Variants in TRABD observed in about 807,000 individuals in gnomAD.
The protein encoded by TRABD is traB domain-containing protein.
A neutral mutation model predicts 39.6 loss-of-function variants in TRABD; 23 were observed. That is an observed-to-expected ratio of 0.58 (90% CI 0.42 to 0.82). The LOEUF is 0.82. Ranked by LOEUF, TRABD falls within the 40% of genes least tolerant of loss-of-function variation. The pLI, the probability that TRABD is intolerant of heterozygous loss-of-function variation, is 0.00. For missense variants in TRABD, 487 were observed against 544.9 expected (o/e 0.89, Z 1.06); for synonymous variants, 243 against 232.1 (o/e 1.05, Z -0.43).
At chr22:50,188,389 C>A (rs112907587) in intron 1 of TRABD, among the ~76,000 whole-genome samples, 1,640 of 152,280 alleles carry the variant, frequency 0.011, 32 homozygotes, top group African/African-American at 0.037. Context: ...GGGCTGTGAG[C>A]GAGTAGGCTC....
intron 2 of TRABD, 62 bp from the exon 3 acceptor site, chr22:50,193,514 C>A: frequency 6.5e-7 from 1 of 1,529,584 alleles, no homozygotes; most frequent in Non-Finnish European, 9.0e-7. Context: ...GTGGAGTTGC[C>A]ACGGAGCCCT....
chr22:50,192,993 A>G, intron 1 of TRABD, 34 bp from the exon 2 acceptor site: 2 of 1,530,206 alleles, frequency 1.3e-6, no homozygotes, highest in South Asian at 2.4e-5. Context: ...CTGGGGCTCC[A>G]GGTGGAAACC....
intron 2 of TRABD, among the ~76,000 whole-genome samples, chr22:50,193,354 G>A (rs1170745957): frequency 6.6e-6 from 1 of 152,150 alleles, no homozygotes; most frequent in Non-Finnish European, 1.5e-5. Flanking sequence ...TAGGCTCTAC[G>A]GAGGCCCTGC....
chr22:50,197,762 C>G (rs2064169144), intron 7 of TRABD, 61 bp from the exon 8 acceptor site: 1 of 1,488,420 alleles, frequency 6.7e-7, no homozygotes, highest in African/African-American at 1.4e-5. Flanking sequence ...TCCACAGTGC[C>G]AGCCCCACCC....
intron 5 of TRABD, among the ~76,000 whole-genome samples, chr22:50,196,617 T>C (rs920505161): frequency 2.6e-5 from 4 of 152,260 alleles, no homozygotes; most frequent in African/African-American, 7.2e-5. Flanking sequence ...AGGCCCTTTC[T>C]CCAGCCTGCC....
At chr22:50,192,942 C>A in intron 1 of TRABD, 85 bp from the exon 2 acceptor site, 1 of 1,287,382 alleles carries the variant, frequency 7.8e-7, no homozygotes, top group Non-Finnish European at 1.1e-6. Context: ...ACAGATGGTT[C>A]TAGACTGACA....
At chr22:50,187,130 G>A (rs2063779367) in intron 1 of TRABD, among the ~76,000 whole-genome samples, 1 of 152,216 alleles carries the variant, frequency 6.6e-6, no homozygotes, top group African/African-American at 2.4e-5. Flanking sequence ...CCCTGATGCT[G>A]TGGGGTCCGA....
At chr22:50,189,129 G>T (rs1290209609) in intron 1 of TRABD, among the ~76,000 whole-genome samples, 1 of 152,236 alleles carries the variant, frequency 6.6e-6, no homozygotes, top group Non-Finnish European at 1.5e-5. Flanking sequence ...CCCGTTCTCT[G>T]CCTTCGGGAC....
chr22:50,198,540 C>T lies in TRABD; in HGVS notation c.*21C>T, dbSNP rs577839774. 36 of 1,505,118 alleles carry T rather than the reference C, an allele frequency of 2.4e-5. No individual in the cohort carries two copies. Among genetic ancestry groups the T allele is most frequent in the South Asian group, 1.9e-4 (15 of 78,296 alleles). 93.2% of individuals were successfully genotyped at this position (1,505,118 alleles called of 1,614,324 possible). ...AGTAGGAGACTGCTCCCCGCCCGCT[C>T]GGGCCCCTGAGGAGCCAGTGCCCCC... is the stretch of plus-strand genomic sequence containing the variant. On this transcript the variant is annotated 3_prime_UTR_variant, in exon 10 of 10. Transcript: ENST00000380909. This position sits in a 1 kb window ranked among gnomAD's most constrained non-coding sequence, Gnocchi z 7.9.
Position 50,194,924 on chromosome 22 carries a change from G to T in TRABD, c.304G>T (p.Val102Leu). 6.2e-7 allele frequency: 1 copy of T among 1,612,926 alleles called. No individual in the cohort carries two copies. Among genetic ancestry groups the T allele is most frequent in the Non-Finnish European group, 8.5e-7 (1 of 1,179,926 alleles). ...VKTIREVQPDVVVVELCQYRV... is the reference protein window; with the variant it reads ...VKTIREVQPDLVVVELCQYRV... ...GACCATCCGGGAGGTGCAGCCTGAC[G>T]TGGTGGTCGTGGAGCTCTGCCAATA... is the stretch of plus-strand genomic sequence containing the variant. Residue 102 changes from valine to leucine, a missense_variant, in exon 5 of 10, where the codon GTG (valine) becomes TTG (leucine). Coordinates refer to ENST00000380909, the MANE Select transcript of TRABD (RefSeq NM_001320485.2).
chr22:50,190,884 G>T (rs6537635), intron 1 of TRABD, among the ~76,000 whole-genome samples: 4,554 of 152,324 alleles, frequency 0.03, 237 homozygotes, highest in African/African-American at 0.1. Flanking sequence ...GTCCTGCTGT[G>T]ACCGGTGCCA....
At chr22:50,189,432 G>C (rs2063837248) in intron 1 of TRABD, among the ~76,000 whole-genome samples, 1 of 152,186 alleles carries the variant, frequency 6.6e-6, no homozygotes, top group Non-Finnish European at 1.5e-5. Context: ...CGTCCGTGCG[G>C]GGCAGGGAGA....
Position 50,199,160 on chromosome 22 carries a change from C to T in TRABD, c.*641C>T. ...TGTCAAAAAACACCAGCCTTAAATC[C>T]AAAGGGAGAGAATTCGTGTTCTTGG... On this transcript the variant is annotated 3_prime_UTR_variant, in exon 10 of 10. Coordinates refer to ENST00000380909, the MANE Select transcript of TRABD (RefSeq NM_001320485.2). 1.4e-6 allele frequency: 1 copy of T among 719,248 alleles called. No homozygotes were observed. Among genetic ancestry groups the T allele is most frequent in the Non-Finnish European group, 2.6e-6 (1 of 385,660 alleles). 44.6% of individuals were successfully genotyped at this position (719,248 alleles called of 1,614,324 possible).
In TRABD at chr22:50,197,823, C is replaced by T. The variant is rs763947053; in HGVS notation, c.672C>T (p.Ser224=). 1.9e-6 allele frequency: 3 copies of T among 1,609,042 alleles called. No individual in the cohort carries two copies. Among genetic ancestry groups the T allele is most frequent in the Non-Finnish European group, 1.7e-6 (2 of 1,179,440 alleles). The change falls in exon 8 of 10, where the codon AGC becomes AGT. Residue 224 remains serine (S), a splice_region_variant and synonymous_variant. Coordinates refer to ENST00000380909, the MANE Select transcript of TRABD (RefSeq NM_001320485.2). ...GGGCTGCAGCCATCCCTCTCCACAG[C>T]AAGGATGACGTGGAACGCTGCAAGC... ...WGLCFLSDPI[S]KDDVERCKQK... is the part of the protein sequence containing the mutation.
chr22:50,194,611 C>T (rs1426875963), intron 4 of TRABD, 105 bp downstream of exon 4: 12 of 1,483,228 alleles, frequency 8.1e-6, no homozygotes, highest in East Asian at 2.5e-5. Context: ...GTGTGCGCAC[C>T]GCAGGCCTCC....
In TRABD at chr22:50,193,101, G is replaced by A; in HGVS notation, c.33+8G>A. On this transcript the variant is annotated splice_region_variant and intron_variant, in intron 2 of 9. Transcript: ENST00000380909. Reference sequence around the variant, plus strand: ...CAGCAGCCACCGCACGAGGTGAGGTGGAGGCTGGGCTGGCTGCACAGAGAC... The same window carrying A: ...CAGCAGCCACCGCACGAGGTGAGGTAGAGGCTGGGCTGGCTGCACAGAGAC... The A allele has an allele frequency of 6.5e-7, 1 of 1,543,808 alleles. No homozygotes were observed. Among genetic ancestry groups the A allele is most frequent in the Non-Finnish European group, 8.7e-7 (1 of 1,146,560 alleles).
At chr22:50,197,776 C>CCCCCCCCG in intron 7 of TRABD, 47 bp from the exon 8 acceptor site, 313 of 1,438,192 alleles carry the variant, frequency 2.2e-4, no homozygotes, top group Non-Finnish European at 2.8e-4. Flanking sequence ...CCCACCCCCC[C>CCCCCCCCG]AGCCCGTTGC....
rs912265886 is a variant in TRABD, at chr22:50,198,818, G to C, written c.*299G>C. ...GGGGCAGGGGCTTATAGGAGGGGCCGAGGCGTGCGCTGCCCTCTCAGCCCT... is the reference window on the plus strand; with the variant it reads ...GGGGCAGGGGCTTATAGGAGGGGCCCAGGCGTGCGCTGCCCTCTCAGCCCT... On this transcript the variant is annotated 3_prime_UTR_variant, in exon 10 of 10. Transcript: ENST00000380909. The surrounding 1 kb of genome is among the most constrained non-coding windows in gnomAD (Gnocchi z 7.9). 1 of 543,810 alleles carries C rather than the reference G, an allele frequency of 1.8e-6. No individual in the cohort carries two copies. The highest frequency in any genetic ancestry group is 3.3e-6 in the Non-Finnish European group (1 of 307,036). The allele number at this position is 543,810 out of a possible 1,614,324, so 33.7% of individuals were successfully genotyped here.
intron 7 of TRABD, 105 bp downstream of exon 7, chr22:50,197,693 C>T (rs1039281729): frequency 2.7e-5 from 43 of 1,571,140 alleles, no homozygotes; most frequent in Non-Finnish European, 3.5e-5. Flanking sequence ...TCAAGGCCTT[C>T]CCTGCCCTTT....
Sources: allele counts gnomAD v4.1 joint callset (sites outside exome capture counted in the v4.1 genomes callset), GRCh38; gene constraint gnomAD v4.1.1; non-coding constraint Gnocchi (gnomAD v3.1); transcripts MANE v1.5; gene names NCBI Gene and HGNC (gene_info 2026-07-23, HGNC 2026-07-21).